Variants in MYO9A observed in about 807,000 individuals in gnomAD.
The protein encoded by MYO9A is unconventional myosin-IXa.
MYO9A carries 103 observed loss-of-function variants against 293.3 expected under a neutral mutation model. The observed-to-expected ratio is 0.35, with a 90% CI of 0.30 to 0.41. The LOEUF is 0.41. MYO9A is among the 10% of genes least tolerant of loss of function. The pLI is 1.00. For synonymous variants in MYO9A, 1,001 were observed against 1,035.7 expected, an observed-to-expected ratio of 0.97 and a Z score of 0.64; for missense variants, 2,685 against 3,033.0, an observed-to-expected ratio of 0.89 and a Z score of 2.69.
chr15:72,097,932 AT>A (rs1020561070), intron 1 of MYO9A, among the ~76,000 whole-genome samples: 38 of 152,120 alleles, frequency 2.5e-4, no homozygotes, highest in African/African-American at 8.9e-4. Flanking sequence ...TAAAATAAAA[AT>A]TTTTTTAAAA....
At chr15:72,058,980 CT>C (rs1341659238) in intron 1 of MYO9A, among the ~76,000 whole-genome samples, 1 of 152,100 alleles carries the variant, frequency 6.6e-6, no homozygotes, top group South Asian at 2.1e-4. Context: ...TTTGTTTTTG[CT>C]TTTTTATCAA....
Position 71,826,535 on chromosome 15 carries a change from T to G in MYO9A, c.*45A>C. The G allele has an allele frequency of 6.6e-7, 1 of 1,518,486 alleles. No individual in the cohort carries two copies. Among genetic ancestry groups the G allele is most frequent in the African/African-American group, 1.4e-5 (1 of 71,672 alleles). 94.1% of individuals were successfully genotyped at this position (1,518,486 alleles called of 1,614,324 possible). A position where few individuals can be genotyped will look rare whatever the true frequency, so the allele number is the denominator to read the frequency against. Reference sequence around the variant, plus strand: ...ATGAAACGCAGCCCCAAAGGTGAGATTTGTTTACCACTCTGTAGCCACGGA... The same window carrying G: ...ATGAAACGCAGCCCCAAAGGTGAGAGTTGTTTACCACTCTGTAGCCACGGA... On this transcript the variant is annotated 3_prime_UTR_variant, in exon 42 of 42. Transcript: ENST00000356056.
At chr15:72,043,879 A>G (rs991093088) in intron 2 of MYO9A, among the ~76,000 whole-genome samples, 1 of 152,052 alleles carries the variant, frequency 6.6e-6, no homozygotes, top group African/African-American at 2.4e-5. Context: ...AAAAGACAAC[A>G]AAGTAATATT....
In MYO9A at chr15:71,879,821, T is replaced by G. The variant is rs1322909739; in HGVS notation, c.5639A>C (p.Asn1880Thr). The G allele has an allele frequency of 4.3e-6, 7 of 1,611,706 alleles. No homozygotes were observed. The highest frequency in any genetic ancestry group is 4.2e-6 in the Non-Finnish European group (5 of 1,178,386). Residue 1880 changes from asparagine (N) to threonine (T), a missense_variant, in exon 30 of 42, where the codon AAT becomes ACT. Transcript: ENST00000356056. ...FLLKKVNDLD[N>T]EDSKKDTLVD... is the part of the protein sequence containing the mutation. ...TAGTGTATCCTTCTTGCTGTCTTCA[T>G]TATCTAGGTCATTCACCTGGGAACC...
intron 13 of MYO9A, among the ~76,000 whole-genome samples, chr15:71,964,941 C>T (rs1037324143): frequency 2.0e-5 from 3 of 151,340 alleles, no homozygotes; most frequent in South Asian, 4.2e-4. Context: ...GGTGATAAAA[C>T]AAGACTCTTG....
At chr15:72,008,436 GGT>G (rs57267628) in intron 7 of MYO9A, among the ~76,000 whole-genome samples, 25,507 of 138,572 alleles carry the variant, frequency 0.18, 2,402 homozygotes, top group African/African-American at 0.27. Context: ...GAGGTAAATG[GGT>G]GTGTGTGTGT....
At chr15:72,086,823 A>T (rs1041204477) in intron 1 of MYO9A, among the ~76,000 whole-genome samples, 1 of 151,756 alleles carries the variant, frequency 6.6e-6, no homozygotes, top group Non-Finnish European at 1.5e-5. Context: ...GCTGGAGTGC[A>T]ATGGTGCAAT....
intron 37 of MYO9A, among the ~76,000 whole-genome samples, chr15:71,850,657 G>A (rs1055940513): frequency 6.6e-6 from 1 of 150,668 alleles, no homozygotes; most frequent in Admixed American, 6.6e-5. Context: ...TCCCAGCTAT[G>A]TAGGGGGCTG....
At chr15:71,991,777 G>T (rs140585247) in intron 10 of MYO9A, among the ~76,000 whole-genome samples, 4 of 152,168 alleles carry the variant, frequency 2.6e-5, no homozygotes, top group Admixed American at 2.6e-4. Context: ...TTTTTGAGAC[G>T]GAGTCTCGAT....
At chr15:72,019,887 T>C (rs2077451810) in intron 5 of MYO9A, among the ~76,000 whole-genome samples, 1 of 152,188 alleles carries the variant, frequency 6.6e-6, no homozygotes, top group East Asian at 1.9e-4. Flanking sequence ...GCAGCTGAGA[T>C]TACAGGCGTG....
intron 19 of MYO9A, among the ~76,000 whole-genome samples, chr15:71,906,758 C>CTTTTTTTTTTTTTTCTTTTTTTTTT (rs2057659301): frequency 1.6e-5 from 1 of 61,012 alleles, no homozygotes; most frequent in African/African-American, 6.4e-5. Flanking sequence ...CCATTTCTTT[C>CTTTTTTTTTTTTTTCTTTTTTTTTT]TTTTTTTTTT....
chr15:71,878,734 T>C (rs537424358), intron 30 of MYO9A, among the ~76,000 whole-genome samples: 1 of 144,974 alleles, frequency 6.9e-6, no homozygotes, highest in Admixed American at 7.3e-5. Flanking sequence ...TTAAATGAGA[T>C]CTGGAATTTT....
chr15:71,829,285 G>A (rs183815225), intron 40 of MYO9A, among the ~76,000 whole-genome samples: 24 of 152,158 alleles, frequency 1.6e-4, no homozygotes, highest in African/African-American at 5.3e-4. Context: ...TCAATCATGA[G>A]AGACCAAGAA....
chr15:71,879,784 T>C lies in MYO9A; in HGVS notation c.5676A>G (p.Val1892=). 3.1e-6 allele frequency: 5 copies of C among 1,613,870 alleles called. No homozygotes were observed. The highest frequency in any genetic ancestry group is 4.2e-6 in the Non-Finnish European group (5 of 1,179,868). Residue 1892 remains valine (V), a synonymous_variant, in exon 30 of 42, where the codon GTA becomes GTG. Coordinates refer to ENST00000356056, the MANE Select transcript of MYO9A (RefSeq NM_006901.4). ...GAAATTCCTTCAGGGCTTTTTTAAA[T>C]ACAACATCCACTAGTGTATCCTTCT... is the stretch of plus-strand genomic sequence containing the variant. ...DSKKDTLVDV[V]FKKALKEFRQ...
chr15:71,949,482 A>G (rs918015037), intron 15 of MYO9A, among the ~76,000 whole-genome samples: 1 of 149,620 alleles, frequency 6.7e-6, no homozygotes, highest in African/African-American at 2.5e-5. Flanking sequence ...ATAATTTTCG[A>G]CCCCTTTATC....
chr15:72,074,087 A>G (rs185359965), intron 1 of MYO9A, among the ~76,000 whole-genome samples: 6 of 152,224 alleles, frequency 3.9e-5, no homozygotes, highest in Non-Finnish European at 5.9e-5. Flanking sequence ...TTACACATAA[A>G]AAATGAAGTC....
rs937313576 is a variant in MYO9A, at chr15:72,090,256, GATTA to G, written c.-72+27420_-72+27423del. ...TAGAAGTTCTTCTTTTAATACTCTG[GATTA>G]ATTATTTCTATAATATACTAACTTT... is the stretch of plus-strand genomic sequence containing the variant. On this transcript the variant is annotated intron_variant, in intron 1 of 41. Coordinates refer to ENST00000356056, the MANE Select transcript of MYO9A (RefSeq NM_006901.4). 1.5e-3 allele frequency among the ~76,000 whole-genome samples: 222 copies of G among 152,082 alleles called. 1 individual carries two copies. Among genetic ancestry groups the G allele is most frequent in the African/African-American group, 4.8e-3 (201 of 41,486 alleles).
chr15:72,103,318 A>AAGC (rs150918805), intron 1 of MYO9A, among the ~76,000 whole-genome samples: 27,776 of 143,702 alleles, frequency 0.19, 3,047 homozygotes, highest in East Asian at 0.4. Context: ...AAGCAGCAGC[A>AAGC]AGCAGCAGCA....
At chr15:71,948,328 A>T (rs555630530) in intron 15 of MYO9A, among the ~76,000 whole-genome samples, 3 of 152,284 alleles carry the variant, frequency 2.0e-5, no homozygotes, top group African/African-American at 7.2e-5. Flanking sequence ...CCAGTAATTC[A>T]TGCATGTATC....
Sources: gnomAD v4.1 joint callset for allele counts (sites outside exome capture counted in the v4.1 genomes callset) on GRCh38, gnomAD v4.1.1 for gene constraint, MANE v1.5 for transcripts, NCBI Gene and HGNC (gene_info 2026-07-23, HGNC 2026-07-21) for gene names.